Variants in ADGRL4 observed in about 807,000 individuals in gnomAD.
ADGRL4 encodes the protein adhesion G protein-coupled receptor L4, also known as EGF, latrophilin and seven transmembrane domain containing 1.
Under a neutral mutation model 74.8 loss-of-function variants are expected in ADGRL4, and 90 were observed. That is an observed-to-expected ratio of 1.20 (90% CI 1.02 to 1.43). The LOEUF (loss-of-function observed/expected upper bound fraction) is 1.43. Ranked by LOEUF, ADGRL4 falls within the 40% of genes most tolerant of loss-of-function variation. The pLI is 0.00. For missense variants in ADGRL4, 881 were observed against 814.3 expected, an observed-to-expected ratio of 1.08 and a Z score of -1.00; for synonymous variants, 311 against 279.2, an observed-to-expected ratio of 1.11 and a Z score of -1.14.
Position 78,987,427 on chromosome 1 carries a change from A to G in ADGRL4, c.172+17643T>C, listed in dbSNP as rs576168603. On this transcript the variant is annotated intron_variant, in intron 2 of 14. Coordinates refer to ENST00000370742, the MANE Select transcript of ADGRL4 (RefSeq NM_022159.4). ...ATATAAAATAAACAAATGTATATAC[A>G]TTGGATGTACAGTGTAAATAATTTT... is the stretch of plus-strand genomic sequence containing the variant. 1.4e-4 allele frequency among the ~76,000 whole-genome samples: 22 copies of G among 151,876 alleles called. No individual in the cohort carries two copies. In the East Asian group the frequency reaches 2.3e-3, roughly 16 times the overall value.
chr1:78,976,343 A>G (rs187807268), intron 2 of ADGRL4, among the ~76,000 whole-genome samples: 7 of 152,124 alleles, frequency 4.6e-5, no homozygotes, highest in Admixed American at 3.9e-4. Context: ...CAAGATGGAA[A>G]ATAGGACATT....
intron 10 of ADGRL4, among the ~76,000 whole-genome samples, chr1:78,919,113 A>G (rs1356309596): frequency 6.6e-6 from 1 of 152,010 alleles, no homozygotes; most frequent in African/African-American, 2.4e-5. Context: ...TCTAGTGTAT[A>G]CTATTTAAAA....
intron 12 of ADGRL4, 96 bp from the exon 13 acceptor site, chr1:78,893,285 A>G: frequency 2.5e-6 from 2 of 790,132 alleles, no homozygotes; most frequent in Non-Finnish European, 4.1e-6. Context: ...TAAGATAGAA[A>G]CTAAAAATCA....
chr1:78,891,318 A>C (rs1344313740), intron 14 of ADGRL4, 102 bp from the exon 15 acceptor site: 1 of 1,322,988 alleles, frequency 7.6e-7, no homozygotes, highest in African/African-American at 1.5e-5. Context: ...TTTCTAAAGT[A>C]TTATAGCTCA....
intron 2 of ADGRL4, among the ~76,000 whole-genome samples, chr1:78,981,125 C>T (rs1338311227): frequency 6.6e-6 from 1 of 151,648 alleles, no homozygotes; most frequent in African/African-American, 2.4e-5. Context: ...ATAGAACAGC[C>T]TTCTAATTAC....
At chr1:78,999,557 A>C (rs1316318267) in intron 2 of ADGRL4, among the ~76,000 whole-genome samples, 1 of 152,116 alleles carries the variant, frequency 6.6e-6, no homozygotes, top group East Asian at 1.9e-4. Context: ...TGGGCGACAG[A>C]GCGAGACTCC....
chr1:78,950,731 A>G (rs938450777), intron 2 of ADGRL4, among the ~76,000 whole-genome samples: 1 of 152,126 alleles, frequency 6.6e-6, no homozygotes, highest in African/African-American at 2.4e-5. Context: ...AATAATACTT[A>G]AAATATCAGT....
intron 3 of ADGRL4, among the ~76,000 whole-genome samples, chr1:78,944,023 A>G (rs1470439825): frequency 6.6e-6 from 1 of 152,188 alleles, no homozygotes; most frequent in African/African-American, 2.4e-5. Context: ...AGAGTCTTCA[A>G]TTACAAATAT....
rs186249173 is a variant in ADGRL4, at chr1:78,950,506, A to G, written c.173-4080T>C. Among the ~76,000 whole-genome samples, 596 of 152,254 alleles carry G rather than the reference A, an allele frequency of 3.9e-3. 8 individuals carry two copies. Among genetic ancestry groups the G allele is most frequent in the Non-Finnish European group, 1.1e-3 (77 of 68,016 alleles). On this transcript the variant is annotated intron_variant, in intron 2 of 14. Transcript: ENST00000370742. ...TCAAAACATGTTTTCAAGGATAAAG[A>G]AAACTAAGGCCCAAGTAACTCTGGT...
intron 12 of ADGRL4, among the ~76,000 whole-genome samples, chr1:78,897,536 T>C (rs1229161743): frequency 1.3e-5 from 2 of 152,112 alleles, no homozygotes; most frequent in African/African-American, 2.4e-5. Flanking sequence ...ATTTCAGAGT[T>C]GGGCCAATCT....
chr1:78,973,891 G>T (rs1650225562), intron 2 of ADGRL4, among the ~76,000 whole-genome samples: 1 of 151,906 alleles, frequency 6.6e-6, no homozygotes, highest in Non-Finnish European at 1.5e-5. Flanking sequence ...ATAAACTAAG[G>T]CTAGAACAAC....
intron 1 of ADGRL4, 111 bp downstream of exon 1, chr1:79,006,522 G>A: frequency 7.9e-7 from 1 of 1,261,580 alleles, no homozygotes; most frequent in South Asian, 1.4e-5. Context: ...TCTCCTCGGA[G>A]ATTTTGCCAA....
intron 12 of ADGRL4, among the ~76,000 whole-genome samples, chr1:78,893,936 T>C (rs982750458): frequency 3.3e-5 from 5 of 151,872 alleles, no homozygotes; most frequent in African/African-American, 1.2e-4. Flanking sequence ...CCAAGTCATA[T>C]TTGCAGTGTT....
chr1:78,922,305 G>T (rs903418994), intron 8 of ADGRL4, among the ~76,000 whole-genome samples: 2 of 151,970 alleles, frequency 1.3e-5, no homozygotes, highest in Admixed American at 6.6e-5. Context: ...GTGAAGGGGG[G>T]TGTCCAACAG....
chr1:78,926,756 C>A, intron 8 of ADGRL4, 130 bp downstream of exon 8: 1 of 665,600 alleles, frequency 1.5e-6, no homozygotes, highest in Non-Finnish European at 2.5e-6. Context: ...GTTAAAACTA[C>A]TTCACTCTTT....
At chr1:78,977,677 G>A (rs1256473389) in intron 2 of ADGRL4, among the ~76,000 whole-genome samples, 1 of 151,926 alleles carries the variant, frequency 6.6e-6, no homozygotes, top group East Asian at 1.9e-4. Flanking sequence ...TGTAGTAGCA[G>A]TAGTAGTTAT....
chr1:78,906,461 G>A (rs1648637902), intron 12 of ADGRL4, among the ~76,000 whole-genome samples: 1 of 151,950 alleles, frequency 6.6e-6, no homozygotes, highest in Non-Finnish European at 1.5e-5. Flanking sequence ...CCGCACGGGA[G>A]TAAGTGAGCT....
chr1:78,945,252 T>C (rs1649574258), intron 3 of ADGRL4, among the ~76,000 whole-genome samples: 1 of 151,070 alleles, frequency 6.6e-6, no homozygotes, highest in African/African-American at 2.4e-5. Flanking sequence ...CTTGAATATC[T>C]ATCTCTTTTA....
At chr1:78,913,975 T>C (rs1267299882) in intron 12 of ADGRL4, among the ~76,000 whole-genome samples, 1 of 151,850 alleles carries the variant, frequency 6.6e-6, no homozygotes, top group Non-Finnish European at 1.5e-5. Flanking sequence ...GTGATTAATG[T>C]ATTTTAAAAA....
Sources: gnomAD v4.1 joint callset for allele counts (sites outside exome capture counted in the v4.1 genomes callset) on GRCh38, gnomAD v4.1.1 for gene constraint, MANE v1.5 for transcripts, NCBI Gene and HGNC (gene_info 2026-07-23, HGNC 2026-07-21) for gene names.